ARMC2: variants seen among roughly 807,000 people sequenced by gnomAD.
The protein encoded by ARMC2 is armadillo repeat containing 2.
Under a neutral mutation model 90.3 loss-of-function variants are expected in ARMC2, and 67 were observed. The observed-to-expected ratio is 0.74, with a 90% CI of 0.61 to 0.91. The LOEUF is 0.91. Ranked by LOEUF, ARMC2 falls within the 40% of genes least tolerant of loss-of-function variation. The pLI is 0.00. For synonymous variants in ARMC2, 393 were observed against 393.0 expected (o/e 1.00, Z 0.00); for missense variants, 920 against 1,030.9 (o/e 0.89, Z 1.47).
intron 12 of ARMC2, 67 bp downstream of exon 12, chr6:108,937,066 T>G (rs779489195): frequency 5.2e-6 from 7 of 1,336,384 alleles, no homozygotes; most frequent in Non-Finnish European, 7.2e-6. Context: ...AAGCCCATGT[T>G]AAATGTCTTT....
chr6:108,876,052 T>C, intron 4 of ARMC2, 91 bp from the exon 5 acceptor site: 3 of 1,131,090 alleles, frequency 2.7e-6, no homozygotes, highest in Non-Finnish European at 3.8e-6. Context: ...TTTTAAATCA[T>C]ATAAATTCTT....
At chr6:108,982,819 T>C in the ARMC2 span, among the ~76,000 whole-genome samples, 1 of 150,034 alleles carries the variant, frequency 6.7e-6, no homozygotes, top group Admixed American at 6.6e-5. Context: ...TTTCTTTTTT[T>C]TTTTTTTTTT....
chr6:108,897,230 G>GA (rs1410336584), intron 6 of ARMC2, among the ~76,000 whole-genome samples: 1 of 152,180 alleles, frequency 6.6e-6, no homozygotes, highest in African/African-American at 2.4e-5. Flanking sequence ...TGCTGCCGCA[G>GA]AAGACCCTAC....
chr6:109,043,838 G>A, the ARMC2 span, among the ~76,000 whole-genome samples: 1 of 152,028 alleles, frequency 6.6e-6, no homozygotes, highest in African/African-American at 2.4e-5. Flanking sequence ...TCAACAAACT[G>A]ATTCAAAATT....
In ARMC2 at chr6:108,928,226, A is replaced by G. The variant is rs754368845; in HGVS notation, c.1489A>G (p.Ile497Val). 2.0e-6 allele frequency: 3 copies of G among 1,532,922 alleles called. No homozygotes were observed. The African/African-American group carries it at 4.2e-5, about 21-fold the overall frequency. The allele number at this position is 1,532,922 out of a possible 1,614,324, so 95.0% of individuals were successfully genotyped here. The change falls in exon 11 of 18, where the codon ATA (isoleucine) becomes GTA (valine). Residue 497 changes from isoleucine (I) to valine (V), a missense_variant. Physicochemically the swap from Ile to Val is conservative, Grantham distance 29. Coordinates refer to ENST00000392644, the MANE Select transcript of ARMC2 (RefSeq NM_032131.6). The stretch of plus-strand genomic sequence containing the variant: ...GGACGTCTGTACCAATATTGCCAGA[A>G]TATTCAGGTAGGTAGACTAAGACGT... ...DKDVCTNIAR[I>V]FSKLTSYRDC...
intron 13 of ARMC2, 82 bp from the exon 14 acceptor site, chr6:108,961,490 C>A: frequency 1.4e-6 from 2 of 1,443,748 alleles, no homozygotes; most frequent in Non-Finnish European, 1.9e-6. Flanking sequence ...CGGCTCCTGG[C>A]CCTGCTGTTG....
At chr6:108,876,390 G>T in intron 5 of ARMC2, 40 bp downstream of exon 5, 1 of 1,559,288 alleles carries the variant, frequency 6.4e-7, no homozygotes, top group South Asian at 1.2e-5. Flanking sequence ...TCAGGATAAT[G>T]GTATCATTTA....
At chr6:108,926,265 C>G (rs1775095026) in intron 10 of ARMC2, among the ~76,000 whole-genome samples, 1 of 152,204 alleles carries the variant, frequency 6.6e-6, no homozygotes, top group African/African-American at 2.4e-5. Flanking sequence ...ACTCTTCCGT[C>G]TCCATGGAAG....
Position 108,973,719 on chromosome 6 carries a change from C to A in ARMC2, c.*205C>A. ...AAAAATGAATATACACATTATATTT[C>A]CTGTTGAGAGAAATGTAAGATGAAA... On this transcript the variant is annotated 3_prime_UTR_variant, in exon 18 of 18. Coordinates refer to ENST00000392644, the MANE Select transcript of ARMC2 (RefSeq NM_032131.6). The A allele has an allele frequency of 2.4e-6, 1 of 417,962 alleles. No individual in the cohort carries two copies. Among genetic ancestry groups the A allele is most frequent in the Non-Finnish European group, 4.2e-6 (1 of 239,382 alleles). 25.9% of individuals were successfully genotyped at this position (417,962 alleles called of 1,614,324 possible).
chr6:108,938,790 G>A (rs1776187186), intron 12 of ARMC2, among the ~76,000 whole-genome samples: 1 of 151,712 alleles, frequency 6.6e-6, no homozygotes, highest in Non-Finnish European at 1.5e-5. Flanking sequence ...CATTAATTGA[G>A]TACTCACAAA....
chr6:109,006,676 T>A, the ARMC2 span, among the ~76,000 whole-genome samples: 1 of 152,212 alleles, frequency 6.6e-6, no homozygotes, highest in Admixed American at 6.5e-5. Context: ...ATACCACTGT[T>A]ATTATACAGT....
At chr6:109,050,771 A>G in the ARMC2 span, among the ~76,000 whole-genome samples, 1 of 152,202 alleles carries the variant, frequency 6.6e-6, no homozygotes, top group East Asian at 1.9e-4. Context: ...AGTAATCATA[A>G]GGAATTAAAA....
chr6:108,908,025 A>G (rs553891433), intron 8 of ARMC2, among the ~76,000 whole-genome samples: 12 of 152,192 alleles, frequency 7.9e-5, no homozygotes, highest in Non-Finnish European at 1.6e-4. Context: ...AGGAATCTCC[A>G]TTCTGCCATG....
At chr6:109,022,391 C>T in the ARMC2 span, among the ~76,000 whole-genome samples, 1 of 140,260 alleles carries the variant, frequency 7.1e-6, no homozygotes, top group Non-Finnish European at 1.5e-5. Flanking sequence ...CATATGTATG[C>T]ATCAGGCATT....
chr6:108,934,487 T>G (rs1307176031), intron 11 of ARMC2, among the ~76,000 whole-genome samples: 1 of 152,200 alleles, frequency 6.6e-6, no homozygotes, highest in Non-Finnish European at 1.5e-5. Context: ...TGTCTGGGTT[T>G]AGTGTAAGTT....
intron 4 of ARMC2, among the ~76,000 whole-genome samples, chr6:108,870,704 G>C (rs1270170059): frequency 6.6e-6 from 1 of 152,126 alleles, no homozygotes. Context: ...ATGCTGTGAT[G>C]CCATGACCAA....
At chr6:109,051,127 G>A in the ARMC2 span, among the ~76,000 whole-genome samples, 7 of 151,548 alleles carry the variant, frequency 4.6e-5, no homozygotes, top group African/African-American at 1.7e-4. Context: ...AACTTCAGAA[G>A]CAAACAGGAA....
At chr6:108,987,576 C>G in the ARMC2 span, 1 of 1,605,696 alleles carries the variant, frequency 6.2e-7, no homozygotes, top group Non-Finnish European at 8.5e-7. Flanking sequence ...GCTCTCAGAG[C>G]ATAAAGGAGT....
At chr6:108,911,907 AT>A (rs1034718819) in intron 9 of ARMC2, among the ~76,000 whole-genome samples, 4 of 151,578 alleles carry the variant, frequency 2.6e-5, no homozygotes, top group Admixed American at 6.6e-5. Flanking sequence ...GGTGATTGAG[AT>A]TTTTTTTTAA....
Sources: allele counts gnomAD v4.1 joint callset (sites outside exome capture counted in the v4.1 genomes callset), GRCh38; gene constraint gnomAD v4.1.1; transcripts MANE v1.5; gene names NCBI Gene and HGNC (gene_info 2026-07-23, HGNC 2026-07-21).